ST3GAL5: variants seen among roughly 807,000 people sequenced by gnomAD.
The protein encoded by ST3GAL5 is lactosylceramide alpha-2,3-sialyltransferase.
In ST3GAL5, 25 loss-of-function variants were observed where a neutral mutation model predicts 46.1. The observed-to-expected ratio is 0.54, with a 90% CI of 0.40 to 0.76. The LOEUF is 0.76. Ranked by LOEUF, ST3GAL5 falls within the 30% of genes least tolerant of loss-of-function variation. ST3GAL5 has a pLI of 0.00. For missense variants in ST3GAL5, 431 were observed against 521.2 expected, an observed-to-expected ratio of 0.83 and a Z score of 1.69; for synonymous variants, 182 against 192.7, an observed-to-expected ratio of 0.94 and a Z score of 0.46.
At chr2:85,867,458 C>T (rs1685407170) in intron 1 of ST3GAL5, 3 of 671,580 alleles carry the variant, frequency 4.5e-6, no homozygotes, top group East Asian at 2.7e-5. Flanking sequence ...AAAATCTATG[C>T]ATCTACACAT....
intron 1 of ST3GAL5, among the ~76,000 whole-genome samples, chr2:85,865,554 A>G (rs1685204295): frequency 6.6e-6 from 1 of 152,246 alleles, no homozygotes; most frequent in African/African-American, 2.4e-5. Context: ...GAGATCCTGG[A>G]AGGTTTTCAA....
chr2:85,869,988 C>G (rs1477231817), intron 1 of ST3GAL5: 1 of 346,038 alleles, frequency 2.9e-6, no homozygotes, highest in Non-Finnish European at 5.8e-6. Flanking sequence ...GTTAAGCAAA[C>G]GAGACCCTCT....
chr2:85,889,026 G>A, upstream of ST3GAL5: 3 of 683,148 alleles, frequency 4.4e-6, no homozygotes, highest in Non-Finnish European at 5.9e-6. Flanking sequence ...TGCGGAGGAG[G>A]GGCGCGTGGG....
chr2:85,846,754 G>A (rs2103950919), intron 4 of ST3GAL5, 191 bp from the exon 5 acceptor site: 3 of 598,158 alleles, frequency 5.0e-6, no homozygotes, highest in Non-Finnish European at 8.9e-6. Context: ...TAGTACTTGA[G>A]CGAACACTTG....
Position 85,839,769 on chromosome 2 carries a change from A to T in ST3GAL5, c.*375T>A, listed in dbSNP as rs1681786492. On this transcript the variant is annotated 3_prime_UTR_variant, in exon 7 of 7. Coordinates refer to ENST00000638572, the MANE Select transcript of ST3GAL5 (RefSeq NM_003896.4). ...CAGAATGAGGTTCAGGGCCACCATC[A>T]AAAGAGTGACCTCCCCTCTCCTTCC... The T allele has an allele frequency of 6.0e-6, 2 of 336,080 alleles. No individual in the cohort carries two copies. Among genetic ancestry groups the T allele is most frequent in the South Asian group, 2.4e-5 (1 of 40,924 alleles). 20.8% of individuals were successfully genotyped at this position (336,080 alleles called of 1,614,324 possible).
At chr2:85,886,600 G>A (rs1034042650) in intron 1 of ST3GAL5, among the ~76,000 whole-genome samples, 4 of 152,124 alleles carry the variant, frequency 2.6e-5, no homozygotes, top group Admixed American at 2.0e-4. Context: ...AGACAAGCCT[G>A]GTAGTGTCCT....
At chr2:85,877,830 C>G (rs1686750982) in intron 1 of ST3GAL5, among the ~76,000 whole-genome samples, 1 of 152,134 alleles carries the variant, frequency 6.6e-6, no homozygotes, top group South Asian at 2.1e-4. Context: ...ACATGTAAGA[C>G]TCCTATCAGA....
chr2:85,840,100 GCT>G lies in ST3GAL5; in HGVS notation c.*42_*43del. On this transcript the variant is annotated 3_prime_UTR_variant, in exon 7 of 7. Transcript: ENST00000638572. ...TACATCAAGAAGGCTGTCAAAAACA[GCT>G]CTCAGAGTTAGAGTTGCATTTTCAA... 6 of 1,613,952 alleles carry G rather than the reference GCT, an allele frequency of 3.7e-6. No individual in the cohort carries two copies. Among genetic ancestry groups the G allele is most frequent in the Non-Finnish European group, 5.1e-6 (6 of 1,179,944 alleles).
chr2:85,865,520 A>G (rs963416024), intron 1 of ST3GAL5, among the ~76,000 whole-genome samples: 4 of 152,258 alleles, frequency 2.6e-5, no homozygotes, highest in Non-Finnish European at 5.9e-5. Context: ...CTGCTGAATT[A>G]TTAAATGAGA....
rs1025570856 is a variant in ST3GAL5, at chr2:85,839,476, G to A, written c.*668C>T. On this transcript the variant is annotated 3_prime_UTR_variant, in exon 7 of 7. Transcript: ENST00000638572. ...TGTAATAATTGCTGGGAAGACTGTG[G>A]TTTCTGTAGCCCAGGGTGGCTTCAC... 4 of 153,474 alleles carry A rather than the reference G, an allele frequency of 2.6e-5. No individual in the cohort carries two copies. The highest frequency in any genetic ancestry group is 9.7e-5 in the African/African-American group (4 of 41,440). 9.5% of individuals were successfully genotyped at this position (153,474 alleles called of 1,614,324 possible).
intron 1 of ST3GAL5, among the ~76,000 whole-genome samples, chr2:85,871,087 G>A (rs1175942245): frequency 6.8e-6 from 1 of 146,902 alleles, no homozygotes; most frequent in African/African-American, 2.5e-5. Context: ...GCCCAGGCTA[G>A]AGTGCAGTGG....
Position 85,852,640 on chromosome 2 carries a change from G to T in ST3GAL5, c.319-4436C>A, listed in dbSNP as rs184641731. Reference sequence around the variant, plus strand: ...GCTTGGGCCATGGGAATGTGCTAAAGCGGGATTGTGGTGACAGAGGCGTGG... The same window carrying T: ...GCTTGGGCCATGGGAATGTGCTAAATCGGGATTGTGGTGACAGAGGCGTGG... On this transcript the variant is annotated intron_variant, in intron 3 of 6. Coordinates refer to ENST00000638572, the MANE Select transcript of ST3GAL5 (RefSeq NM_003896.4). Among the ~76,000 whole-genome samples the T allele has an allele frequency of 7.9e-5, 12 of 152,270 alleles. No homozygotes were observed. In the East Asian group the frequency reaches 2.3e-3, roughly 29 times the overall value.
rs1226327891 is a variant in ST3GAL5 at position 85,839,576 on chromosome 2, G to A, written c.*568C>T. The A allele has an allele frequency of 1.2e-5, 2 of 160,676 alleles. No individual in the cohort carries two copies. The highest frequency in any genetic ancestry group is 5.9e-5 in the Admixed American group (1 of 16,982). 10.0% of individuals were successfully genotyped at this position (160,676 alleles called of 1,614,324 possible). A position where few individuals can be genotyped will look rare whatever the true frequency, so the allele number is the denominator to read the frequency against. Reference sequence around the variant, plus strand: ...AGGACAGCTTCCCTGGTTGGTTCTCGAGTCTTTCAGCAGAAGGCAGACCAA... The same window carrying A: ...AGGACAGCTTCCCTGGTTGGTTCTCAAGTCTTTCAGCAGAAGGCAGACCAA... On this transcript the variant is annotated 3_prime_UTR_variant, in exon 7 of 7. Transcript: ENST00000638572.
At chr2:85,857,942 T>G (rs1351241358) in intron 3 of ST3GAL5, among the ~76,000 whole-genome samples, 1 of 152,150 alleles carries the variant, frequency 6.6e-6, no homozygotes, top group Non-Finnish European at 1.5e-5. Flanking sequence ...CTATGTATTT[T>G]TACAGACATA....
chr2:85,838,671 T>C lies in ST3GAL5; in HGVS notation c.*1473A>G, dbSNP rs1681667812. Reference sequence around the variant, plus strand: ...GAGACAGAAGGGACTCTGCTTTGAATGCTATGACCTGACTCCTGGCCCTGC... The same window carrying C: ...GAGACAGAAGGGACTCTGCTTTGAACGCTATGACCTGACTCCTGGCCCTGC... On this transcript the variant is annotated 3_prime_UTR_variant, in exon 7 of 7. Coordinates refer to ENST00000638572, the MANE Select transcript of ST3GAL5 (RefSeq NM_003896.4). 1 of 152,370 alleles carries C rather than the reference T, an allele frequency of 6.6e-6. No homozygotes were observed. Among genetic ancestry groups the C allele is most frequent in the South Asian group, 2.1e-4 (1 of 4,820 alleles). 9.4% of individuals were successfully genotyped at this position (152,370 alleles called of 1,614,324 possible).
At chr2:85,878,932 A>G (rs986673038) in intron 1 of ST3GAL5, among the ~76,000 whole-genome samples, 2 of 152,154 alleles carry the variant, frequency 1.3e-5, no homozygotes, top group Non-Finnish European at 2.9e-5. Flanking sequence ...CAGAGAGAGG[A>G]GGCGGCATTC....
intron 1 of ST3GAL5, among the ~76,000 whole-genome samples, chr2:85,885,908 C>T (rs1427550199): frequency 6.6e-6 from 1 of 151,940 alleles, no homozygotes; most frequent in East Asian, 1.9e-4. Context: ...TAGGTATGGA[C>T]CTATCAGAAA....
chr2:85,842,316 T>C (rs1014955233), intron 6 of ST3GAL5, among the ~76,000 whole-genome samples: 3 of 152,358 alleles, frequency 2.0e-5, no homozygotes, highest in Middle Eastern at 3.4e-3. Flanking sequence ...AGTGACCATC[T>C]TGTCACACAG....
intron 3 of ST3GAL5, among the ~76,000 whole-genome samples, chr2:85,859,439 T>C (rs1249478523): frequency 6.6e-6 from 1 of 152,160 alleles, no homozygotes; most frequent in African/African-American, 2.4e-5. Flanking sequence ...GGGGGAGGTA[T>C]GTCTGCAAGG....
Sources: allele counts gnomAD v4.1 joint callset (sites outside exome capture counted in the v4.1 genomes callset), GRCh38; gene constraint gnomAD v4.1.1; transcripts MANE v1.5; gene names NCBI Gene and HGNC (gene_info 2026-07-23, HGNC 2026-07-21).